Variants in LIMS2 observed in about 807,000 individuals in gnomAD.
LIMS2 encodes the protein LIM zinc finger domain containing 2.
A neutral mutation model predicts 45.3 loss-of-function variants in LIMS2; 30 were observed. The ratio of observed to expected loss-of-function variants is 0.66; its 90% confidence interval spans 0.50 to 0.90. LIMS2 has a LOEUF of 0.90. LIMS2 is among the 40% of genes least tolerant of loss of function. The pLI is 0.00. For missense variants in LIMS2, 485 were observed against 468.7 expected (o/e 1.03, Z -0.32); for synonymous variants, 173 against 188.0 (o/e 0.92, Z 0.65).
At position 127,644,164 on chromosome 2, in the gene LIMS2, CCAAA is replaced by C. The variant is rs552505296; in HGVS notation, c.360-1096_360-1093del. 424 of 453,744 alleles carry C rather than the reference CCAAA, an allele frequency of 9.3e-4. 2 individuals are homozygous for C. The highest frequency in any genetic ancestry group is 7.4e-3 in the African/African-American group (372 of 50,088). 28.1% of individuals were successfully genotyped at this position (453,744 alleles called of 1,614,324 possible). ...ATCAGCTGTGTGCAGGGCAAGGGGC[CCAAA>C]CAAAGGCCCAGCAGTCACTGGCTAA... On this transcript the variant is annotated intron_variant, in intron 4 of 9. Coordinates refer to ENST00000355119, the MANE Select transcript of LIMS2 (RefSeq NM_001161403.3).
chr2:127,650,362 C>G lies in LIMS2; in HGVS notation c.359+4062G>C, dbSNP rs560790365. ...CAGACAGCACACCTCAGAGGCAGAA[C>G]AGAAAACCCAGAGCCTCACCCAGGC... On this transcript the variant is annotated intron_variant, in intron 4 of 9. Transcript: ENST00000355119. 5.6e-6 allele frequency: 3 copies of G among 537,748 alleles called. No homozygotes were observed. The African/African-American group carries it at 5.7e-5, about 10-fold the overall frequency. The allele number at this position is 537,748 out of a possible 1,614,324, so 33.3% of individuals were successfully genotyped here.
At position 127,647,847 on chromosome 2, in the gene LIMS2, A is replaced by G. The variant is rs1014722007; in HGVS notation, c.360-4775T>C. ...CCAGCACATGCAACACGACACCCTC[A>G]AAGTCATGGGCCCCCCTCCCCTGCC... On this transcript the variant is annotated intron_variant, in intron 4 of 9. Coordinates refer to ENST00000355119, the MANE Select transcript of LIMS2 (RefSeq NM_001161403.3). This position sits in a 1 kb window ranked among gnomAD's most constrained non-coding sequence, Gnocchi z 4.3. 6.6e-6 allele frequency among the ~76,000 whole-genome samples: 1 copy of G among 151,714 alleles called. No individual in the cohort carries two copies. Among genetic ancestry groups the G allele is most frequent in the African/African-American group, 2.4e-5 (1 of 41,254 alleles).
intron 4 of LIMS2, among the ~76,000 whole-genome samples, chr2:127,648,813 CAGG>C (rs912080277): frequency 1.1e-3 from 161 of 151,282 alleles, no homozygotes; most frequent in African/African-American, 3.8e-3. Context: ...CCCAGCTATT[CAGG>C]AGGTTGAGGT....
At position 127,640,307 on chromosome 2, in the gene LIMS2, G is replaced by T. The variant is rs199994172; in HGVS notation, c.765C>A (p.Asp255Glu). The change falls in exon 8 of 10, where the codon GAC becomes GAA. Residue 255 changes from aspartate (D) to glutamate (E), a missense_variant. Transcript: ENST00000355119. ...TCACATGGCTGCAGTTGTAGCAGAC[G>T]TCCCCGAAGAGCTGTGGGCCGAGCA... ...CETHYNQLFG[D>E]VCYNCSHVIE... 6.2e-7 allele frequency: 1 copy of T among 1,612,980 alleles called. No individual in the cohort carries two copies. Among genetic ancestry groups the T allele is most frequent in the East Asian group, 2.2e-5 (1 of 44,868 alleles).
chr2:127,673,125 C>T (rs1685342503), intron 1 of LIMS2, among the ~76,000 whole-genome samples: 1 of 152,134 alleles, frequency 6.6e-6, no homozygotes, highest in Non-Finnish European at 1.5e-5. Context: ...CAGTGGGGCA[C>T]CAGCACTGCG....
At chr2:127,640,866 G>C in intron 7 of LIMS2, 30 bp downstream of exon 7, 1 of 1,596,922 alleles carries the variant, frequency 6.3e-7, no homozygotes, top group Non-Finnish European at 8.6e-7. Flanking sequence ...CTCCAGACCC[G>C]CATCCCTGAA....
chr2:127,640,835 C>CGG (rs887239091), intron 7 of LIMS2, 61 bp downstream of exon 7: 6 of 1,484,268 alleles, frequency 4.0e-6, no homozygotes, highest in Non-Finnish European at 5.6e-6. Flanking sequence ...CCCTTGCTCA[C>CGG]GGCAGCTCTC....
chr2:127,673,969 A>C, intron 1 of LIMS2: 1 of 539,570 alleles, frequency 1.9e-6, no homozygotes, highest in Non-Finnish European at 3.4e-6. Context: ...CTTGGGGAGA[A>C]GAAAGGGAAG....
At chr2:127,660,121 G>C (rs1450782778) in intron 1 of LIMS2, among the ~76,000 whole-genome samples, 6 of 152,222 alleles carry the variant, frequency 3.9e-5, no homozygotes, top group African/African-American at 9.7e-5. Flanking sequence ...CCAAAGGATT[G>C]TAAATGCACC....
At chr2:127,665,317 T>G (rs10188441) in intron 1 of LIMS2, among the ~76,000 whole-genome samples, 2 of 151,982 alleles carry the variant, frequency 1.3e-5, no homozygotes, top group African/African-American at 4.8e-5. Flanking sequence ...CTGGCAGCCG[T>G]CACTAAAGAC....
Position 127,651,120 on chromosome 2 carries a change from C to T in LIMS2, c.359+3304G>A, listed in dbSNP as rs201939521. ...CTTCCTCACCTGCATCAGCGCCGAC[C>T]GTTTCCTGGCCATTGTGCACCCGGT... On this transcript the variant is annotated intron_variant, in intron 4 of 9. Coordinates refer to ENST00000355119, the MANE Select transcript of LIMS2 (RefSeq NM_001161403.3). The T allele has an allele frequency of 1.6e-5, 26 of 1,613,504 alleles. 1 individual carries two copies. The East Asian group carries it at 3.8e-4, about 24-fold the overall frequency.
intron 1 of LIMS2, among the ~76,000 whole-genome samples, chr2:127,663,459 T>C (rs1035119280): frequency 5.9e-5 from 9 of 152,154 alleles, no homozygotes; most frequent in African/African-American, 2.2e-4. Context: ...GCAAAAGATA[T>C]CTTTGATGGC....
intron 4 of LIMS2, chr2:127,643,480 G>A (rs576770182): frequency 2.0e-5 from 9 of 457,246 alleles, no homozygotes; most frequent in South Asian, 3.1e-5. Flanking sequence ...TGAGTGTCCC[G>A]GGAGGCCCAC....
intron 4 of LIMS2, among the ~76,000 whole-genome samples, chr2:127,644,493 G>A (rs1333644368): frequency 6.6e-6 from 1 of 152,182 alleles, no homozygotes; most frequent in African/African-American, 2.4e-5. Context: ...CAGGTCTGGG[G>A]CTGAGCTGCC....
intron 4 of LIMS2, chr2:127,651,908 T>C (rs1253204733): frequency 7.0e-6 from 5 of 718,222 alleles, no homozygotes; most frequent in Non-Finnish European, 1.2e-5. Context: ...TCTCAACCCA[T>C]AAAAAGGAAG....
At chr2:127,651,181 A>T in intron 4 of LIMS2, 1 of 1,611,948 alleles carries the variant, frequency 6.2e-7, no homozygotes. Context: ...CTCTACGCAC[A>T]CCTGGCCTGT....
intron 4 of LIMS2, among the ~76,000 whole-genome samples, chr2:127,644,954 C>T (rs1343456059): frequency 6.6e-6 from 1 of 152,244 alleles, no homozygotes; most frequent in African/African-American, 2.4e-5. Flanking sequence ...AGATGGGAAA[C>T]AGCTTCTCAA....
At chr2:127,666,349 C>T (rs73954692) in intron 1 of LIMS2, among the ~76,000 whole-genome samples, 5,861 of 152,082 alleles carry the variant, frequency 0.039, 213 homozygotes, top group African/African-American at 0.093. Flanking sequence ...ACCCTAGGAA[C>T]ATTTGGTCAA....
intron 2 of LIMS2, 38 bp from the exon 3 acceptor site, chr2:127,654,934 C>T (rs758274540): frequency 1.2e-5 from 19 of 1,590,126 alleles, no homozygotes; most frequent in Non-Finnish European, 1.5e-5. Context: ...AGCAAACCAC[C>T]TATCATCCCC....
Sources: allele counts gnomAD v4.1 joint callset (sites outside exome capture counted in the v4.1 genomes callset), GRCh38; gene constraint gnomAD v4.1.1; non-coding constraint Gnocchi (gnomAD v3.1); transcripts MANE v1.5; gene names NCBI Gene and HGNC (gene_info 2026-07-23, HGNC 2026-07-21).